IFT88: variants seen among roughly 807,000 people sequenced by gnomAD.
IFT88 encodes the protein intraflagellar transport protein 88 homolog.
IFT88 carries 74 observed loss-of-function variants against 119.5 expected under a neutral mutation model. The observed-to-expected ratio is 0.62, with a 90% CI of 0.51 to 0.75. IFT88 has a LOEUF of 0.75. Ranked by LOEUF, IFT88 falls within the 30% of genes least tolerant of loss-of-function variation. The probability of loss-of-function intolerance (pLI) is 0.00; values close to 1 mark genes in which losing one functional copy is unlikely to be tolerated. For synonymous variants in IFT88, 279 were observed against 316.7 expected (o/e 0.88, Z 1.26); for missense variants, 961 against 977.7 (o/e 0.98, Z 0.23).
chr13:20,631,261 A>AG, intron 16 of IFT88, 159 bp downstream of exon 16: 1 of 571,320 alleles, frequency 1.8e-6, no homozygotes, highest in South Asian at 2.3e-5. Context: ...GTGCCAGGCC[A>AG]GGGGCTGAGT....
At chr13:20,681,747 G>A (rs760327535) in intron 24 of IFT88, among the ~76,000 whole-genome samples, 5 of 152,232 alleles carry the variant, frequency 3.3e-5, no homozygotes, top group Non-Finnish European at 5.9e-5. Context: ...TCAACTAACT[G>A]TGTGGAATGA....
At chr13:20,627,085 A>G (rs2047460108) in intron 15 of IFT88, among the ~76,000 whole-genome samples, 1 of 152,250 alleles carries the variant, frequency 6.6e-6, no homozygotes, top group South Asian at 2.1e-4. Flanking sequence ...CGAAATAAAT[A>G]CATATAATTA....
intron 16 of IFT88, among the ~76,000 whole-genome samples, chr13:20,635,927 C>T (rs943385857): frequency 1.3e-5 from 2 of 152,064 alleles, no homozygotes; most frequent in Non-Finnish European, 2.9e-5. Flanking sequence ...AAGAAATAGC[C>T]TGTGTTTGCA....
intron 20 of IFT88, among the ~76,000 whole-genome samples, chr13:20,648,771 C>T (rs2051135179): frequency 6.6e-6 from 1 of 152,060 alleles, no homozygotes; most frequent in African/African-American, 2.4e-5. Context: ...ATACTGTCTA[C>T]AAGAGATGCA....
At chr13:20,646,643 A>G (rs1655368339) in intron 20 of IFT88, among the ~76,000 whole-genome samples, 1 of 151,950 alleles carries the variant, frequency 6.6e-6, no homozygotes, top group Non-Finnish European at 1.5e-5. Flanking sequence ...TTAAGTTACA[A>G]TGTCCAGCTG....
chr13:20,668,032 T>C lies in IFT88; in HGVS notation c.2176-2941T>C, dbSNP rs186771025. Among the ~76,000 whole-genome samples, 114 of 152,346 alleles carry C rather than the reference T, an allele frequency of 7.5e-4. 1 individual carries two copies. In the South Asian group the frequency reaches 0.02, roughly 27 times the overall value. ...CTCTTAACTTTCCGTCTGCCTGACT[T>C]AGCAGCAGCTCTGTATATGTGGCGT... On this transcript the variant is annotated intron_variant, in intron 23 of 25. Coordinates refer to ENST00000351808, the MANE Select transcript of IFT88 (RefSeq NM_006531.5).
At chr13:20,678,687 G>A (rs2056980558) in intron 24 of IFT88, among the ~76,000 whole-genome samples, 1 of 152,212 alleles carries the variant, frequency 6.6e-6, no homozygotes, top group Non-Finnish European at 1.5e-5. Context: ...TCACGAGCAT[G>A]TCACATTGCT....
At chr13:20,590,713 A>G (rs532185103) in intron 4 of IFT88, among the ~76,000 whole-genome samples, 1 of 152,300 alleles carries the variant, frequency 6.6e-6, no homozygotes, top group South Asian at 2.1e-4. Flanking sequence ...AAGCAAAAGC[A>G]GCCACAGGCA....
At chr13:20,688,805 C>G (rs1300645889) in intron 24 of IFT88, among the ~76,000 whole-genome samples, 1 of 152,136 alleles carries the variant, frequency 6.6e-6, no homozygotes, top group Non-Finnish European at 1.5e-5. Context: ...TAGCTCATTG[C>G]AGCATTGGAC....
At chr13:20,574,270 T>A in intron 1 of IFT88, 110 bp from the exon 2 acceptor site, 2 of 501,100 alleles carry the variant, frequency 4.0e-6, no homozygotes, top group Non-Finnish European at 7.0e-6. Context: ...TAGTGAGCCG[T>A]GATTGTGCTA....
chr13:20,618,604 A>G (rs1224527767), intron 14 of IFT88, among the ~76,000 whole-genome samples: 2 of 152,126 alleles, frequency 1.3e-5, no homozygotes, highest in Non-Finnish European at 2.9e-5. Flanking sequence ...ATAGTTCTTG[A>G]ATGCCACTGA....
chr13:20,568,270 A>G lies in IFT88; in HGVS notation c.-7+1014A>G, dbSNP rs113792176. Among the ~76,000 whole-genome samples, 275 of 152,296 alleles carry G rather than the reference A, an allele frequency of 1.8e-3. 2 individuals carry two copies. The highest frequency in any genetic ancestry group is 6.3e-3 in the African/African-American group (262 of 41,556). ...ATTTCAACATGGAAAAGTTTGTTAC[A>G]TGTATAAGCTGCTTTGGAAATTGCC... On this transcript the variant is annotated intron_variant, in intron 1 of 25. Coordinates refer to ENST00000351808, the MANE Select transcript of IFT88 (RefSeq NM_006531.5).
At chr13:20,575,858 G>A (rs2037283266) in intron 2 of IFT88, among the ~76,000 whole-genome samples, 1 of 152,190 alleles carries the variant, frequency 6.6e-6, no homozygotes, top group African/African-American at 2.4e-5. Context: ...GGTACATACT[G>A]ATTTCTTTTC....
chr13:20,585,075 AC>A (rs754958418), intron 3 of IFT88, among the ~76,000 whole-genome samples: 9 of 152,264 alleles, frequency 5.9e-5, no homozygotes, highest in Admixed American at 5.2e-4. Flanking sequence ...TCCCTGTCCT[AC>A]GTACTTATCT....
In IFT88 at chr13:20,690,746, C is replaced by T. The variant is rs144721929; in HGVS notation, c.2284C>T (p.Leu762=). 7.2e-5 allele frequency: 116 copies of T among 1,613,732 alleles called. No individual in the cohort carries two copies. The highest frequency in any genetic ancestry group is 2.3e-4 in the South Asian group (21 of 91,076). Residue 762 remains leucine (L), a synonymous_variant, in exon 25 of 26, where the codon CTA becomes TTA. Transcript: ENST00000351808. ...NYSASSKGER[L]SARLRALPGT... is the part of the protein sequence containing the mutation. Reference sequence around the variant, plus strand: ...TAGTGCCAGTAGTAAAGGTGAACGACTAAGTGCCAGACTCAGAGCTTTACC... The same window carrying T: ...TAGTGCCAGTAGTAAAGGTGAACGATTAAGTGCCAGACTCAGAGCTTTACC...
intron 5 of IFT88, 60 bp downstream of exon 5, chr13:20,591,080 A>T: frequency 8.5e-7 from 1 of 1,180,966 alleles, no homozygotes; most frequent in Non-Finnish European, 1.2e-6. Flanking sequence ...ATTTACTACC[A>T]AAGTTTTTTT....
At chr13:20,599,198 CGCACAATAATGTAAA>C (rs2042217843) in intron 10 of IFT88, among the ~76,000 whole-genome samples, 1 of 151,954 alleles carries the variant, frequency 6.6e-6, no homozygotes, top group South Asian at 2.1e-4. Context: ...CTTAGAAGAA[CGCACAATAATGTAAA>C]GCACAATAAT....
intron 22 of IFT88, 115 bp from the exon 23 acceptor site, chr13:20,663,383 A>G (rs748414593): frequency 2.1e-5 from 32 of 1,536,566 alleles, no homozygotes; most frequent in East Asian, 2.5e-5. Context: ...GAAAAATACT[A>G]TTTGTAAGCA....
chr13:20,649,990 A>G (rs2051356006), intron 20 of IFT88, among the ~76,000 whole-genome samples: 1 of 152,194 alleles, frequency 6.6e-6, no homozygotes, highest in Non-Finnish European at 1.5e-5. Flanking sequence ...GTAATAAAAA[A>G]TATTCCAAGA....
Sources: allele counts gnomAD v4.1 joint callset (sites outside exome capture counted in the v4.1 genomes callset), GRCh38; gene constraint gnomAD v4.1.1; transcripts MANE v1.5; gene names NCBI Gene and HGNC (gene_info 2026-07-23, HGNC 2026-07-21).